The following SLIT3 variants were observed in gnomAD, a reference collection of about 807,000 sequenced individuals.
The protein encoded by SLIT3 is slit homolog 3 protein.
In SLIT3, 68 loss-of-function variants were observed where a neutral mutation model predicts 184.0. That is an observed-to-expected ratio of 0.37 (90% confidence interval 0.30 to 0.45). The LOEUF is 0.45. Among genes scored for constraint, SLIT3 ranks in the 20% least tolerant of loss-of-function variants. SLIT3 has a pLI of 1.00. For synonymous variants in SLIT3, 831 were observed against 828.6 expected, an observed-to-expected ratio of 1.00 and a Z score of -0.05; for missense variants, 1,707 against 2,026.0, an observed-to-expected ratio of 0.84 and a Z score of 3.02.
At chr5:169,216,854 A>G (rs1349555020) in intron 3 of SLIT3, among the ~76,000 whole-genome samples, 1 of 152,116 alleles carries the variant, frequency 6.6e-6, no homozygotes, top group African/African-American at 2.4e-5. Flanking sequence ...CTGGTTTGAA[A>G]CCGACTTATG....
At chr5:168,906,732 A>T (rs529795135) in intron 4 of SLIT3, among the ~76,000 whole-genome samples, 1 of 152,322 alleles carries the variant, frequency 6.6e-6, no homozygotes, top group South Asian at 2.1e-4. Context: ...ATTTTAAATC[A>T]TTTTAATAAT....
At chr5:169,162,919 T>C (rs1039209813) in intron 4 of SLIT3, among the ~76,000 whole-genome samples, 1 of 152,132 alleles carries the variant, frequency 6.6e-6, no homozygotes, top group Admixed American at 6.5e-5. Flanking sequence ...AGTAGGGAGA[T>C]AGCTCTAAGG....
At chr5:168,834,466 C>T (rs896169711) in intron 6 of SLIT3, among the ~76,000 whole-genome samples, 4 of 151,528 alleles carry the variant, frequency 2.6e-5, no homozygotes, top group South Asian at 4.2e-4. Context: ...CAGAGGCGGG[C>T]GGATCACTCG....
At chr5:168,688,604 C>A (rs1435877988) in intron 29 of SLIT3, among the ~76,000 whole-genome samples, 5 of 152,168 alleles carry the variant, frequency 3.3e-5, no homozygotes, top group African/African-American at 1.2e-4. Flanking sequence ...GACTTACTGG[C>A]CTATGCTCAA....
At chr5:169,028,519 G>T (rs1408408002) in intron 4 of SLIT3, among the ~76,000 whole-genome samples, 3 of 152,228 alleles carry the variant, frequency 2.0e-5, no homozygotes, top group Non-Finnish European at 4.4e-5. Flanking sequence ...CACATGTAAA[G>T]TGCCTTGTAC....
At chr5:169,009,255 C>A (rs1756049731) in intron 4 of SLIT3, among the ~76,000 whole-genome samples, 1 of 152,204 alleles carries the variant, frequency 6.6e-6, no homozygotes, top group Admixed American at 6.5e-5. Flanking sequence ...CCTTTAGAGA[C>A]CAACAACCTG....
chr5:169,065,826 T>G (rs1427905785), intron 4 of SLIT3, among the ~76,000 whole-genome samples: 1 of 152,350 alleles, frequency 6.6e-6, no homozygotes, highest in East Asian at 1.9e-4. Context: ...GAGGGAGACC[T>G]TTATGATTCC....
intron 14 of SLIT3, among the ~76,000 whole-genome samples, chr5:168,766,782 T>C (rs565812583): frequency 2.6e-5 from 4 of 152,260 alleles, no homozygotes; most frequent in Non-Finnish European, 4.4e-5. Flanking sequence ...GAGGATTTGC[T>C]CTGTGTTAAA....
At chr5:168,997,567 A>G (rs1052847403) in intron 4 of SLIT3, among the ~76,000 whole-genome samples, 1 of 152,144 alleles carries the variant, frequency 6.6e-6, no homozygotes, top group African/African-American at 2.4e-5. Flanking sequence ...GCTTTCTAGA[A>G]GCCTTGCCCC....
At chr5:168,968,223 G>A (rs78762149) in intron 4 of SLIT3, among the ~76,000 whole-genome samples, 3,387 of 152,042 alleles carry the variant, frequency 0.022, 112 homozygotes, top group African/African-American at 0.076. Flanking sequence ...CAAGCTTAGC[G>A]CCCCCCTCTC....
intron 3 of SLIT3, among the ~76,000 whole-genome samples, chr5:169,237,342 T>C (rs1765237438): frequency 6.6e-6 from 1 of 152,222 alleles, no homozygotes; most frequent in Non-Finnish European, 1.5e-5. Context: ...TTCATTATCA[T>C]ATAGCATAGT....
chr5:169,077,145 A>C (rs1758776186), intron 4 of SLIT3, among the ~76,000 whole-genome samples: 1 of 152,124 alleles, frequency 6.6e-6, no homozygotes, highest in Non-Finnish European at 1.5e-5. Flanking sequence ...AAGGATGAAG[A>C]CCTTTATGGT....
chr5:168,756,937 C>T (rs979656364), intron 16 of SLIT3, among the ~76,000 whole-genome samples: 1 of 152,124 alleles, frequency 6.6e-6, no homozygotes, highest in African/African-American at 2.4e-5. Context: ...AATTGGATTT[C>T]CTCAGGCTGG....
chr5:169,037,145 A>AT (rs1757283815), intron 4 of SLIT3, among the ~76,000 whole-genome samples: 1 of 152,190 alleles, frequency 6.6e-6, no homozygotes, highest in South Asian at 2.1e-4. Context: ...CCTCTAAGGC[A>AT]TTGCCAGGGG....
intron 4 of SLIT3, among the ~76,000 whole-genome samples, chr5:169,072,535 T>C (rs1276513139): frequency 6.6e-6 from 1 of 152,238 alleles, no homozygotes; most frequent in Non-Finnish European, 1.5e-5. Context: ...ATGTGACTTA[T>C]TCAAGGCTGA....
chr5:168,811,330 G>A (rs1010756755), intron 8 of SLIT3, among the ~76,000 whole-genome samples: 1 of 152,164 alleles, frequency 6.6e-6, no homozygotes, highest in African/African-American at 2.4e-5. Flanking sequence ...CATGATTTAG[G>A]TTCCATTCTT....
At chr5:169,290,183 T>C (rs1344331712) in intron 1 of SLIT3, among the ~76,000 whole-genome samples, 1 of 151,620 alleles carries the variant, frequency 6.6e-6, no homozygotes, top group Non-Finnish European at 1.5e-5. Flanking sequence ...GGGCATATGC[T>C]AGGGTGTGCA....
At chr5:169,241,326 A>C (rs1210188882) in intron 3 of SLIT3, among the ~76,000 whole-genome samples, 3 of 152,326 alleles carry the variant, frequency 2.0e-5, no homozygotes, top group East Asian at 3.9e-4. Context: ...GTATTCTTGC[A>C]TCGATTACAT....
rs953527616 is a variant in SLIT3, at chr5:168,663,053, G to C, written c.*3401C>G. 6.6e-6 allele frequency: 1 copy of C among 152,278 alleles called. No individual in the cohort carries two copies. The highest frequency in any genetic ancestry group is 2.4e-5 in the African/African-American group (1 of 41,458). 9.4% of individuals were successfully genotyped at this position (152,278 alleles called of 1,614,324 possible). A position where few individuals can be genotyped will look rare whatever the true frequency, so the allele number is the denominator to read the frequency against. ...ACAGACCTGGCCCTTTTGCTGTCTT[G>C]GTTGATGGGGGCTGGATTCAGGATT... On this transcript the variant is annotated 3_prime_UTR_variant, in exon 36 of 36. Transcript: ENST00000519560.
Sources: allele counts gnomAD v4.1 joint callset (sites outside exome capture counted in the v4.1 genomes callset), GRCh38; gene constraint gnomAD v4.1.1; transcripts MANE v1.5; gene names NCBI Gene and HGNC (gene_info 2026-07-23, HGNC 2026-07-21).